SPRED2: variants seen among roughly 807,000 people sequenced by gnomAD.
SPRED2 encodes the protein sprouty related EVH1 domain containing 2.
In SPRED2, 47 loss-of-function variants were observed where a neutral mutation model predicts 43.0. The ratio of observed to expected loss-of-function variants is 1.09; its 90% confidence interval spans 0.87 to 1.40. The LOEUF (loss-of-function observed/expected upper bound fraction) is 1.40, where lower values mean the gene tolerates loss of function less well. Ranked by LOEUF, SPRED2 falls within the 40% of genes most tolerant of loss-of-function variation. The pLI is 0.00. For synonymous variants in SPRED2, 225 were observed against 225.7 expected, an observed-to-expected ratio of 1.00 and a Z score of 0.03; for missense variants, 561 against 586.4, an observed-to-expected ratio of 0.96 and a Z score of 0.45.
chr2:65,354,044 GA>G (rs1337384125), intron 1 of SPRED2, among the ~76,000 whole-genome samples: 2 of 152,192 alleles, frequency 1.3e-5, no homozygotes, highest in African/African-American at 4.8e-5. Context: ...ATGAAGCAAA[GA>G]CACAAAGGAA....
chr2:65,378,485 G>C (rs1201951372), intron 1 of SPRED2, among the ~76,000 whole-genome samples: 1 of 152,186 alleles, frequency 6.6e-6, no homozygotes, highest in East Asian at 1.9e-4. Flanking sequence ...ATGAATGACA[G>C]CTGGGTGATG....
chr2:65,380,460 G>C (rs1463324167), intron 1 of SPRED2, among the ~76,000 whole-genome samples: 1 of 152,064 alleles, frequency 6.6e-6, no homozygotes, highest in Non-Finnish European at 1.5e-5. Flanking sequence ...AACTGCCTTC[G>C]AGGCTAGTCA....
chr2:65,332,213 TC>T (rs1170834345), intron 3 of SPRED2, 162 bp from the exon 4 acceptor site: 33 of 489,012 alleles, frequency 6.7e-5, no homozygotes, highest in Admixed American at 5.3e-4. Context: ...AATTTACTCT[TC>T]TTTAATTGAT....
downstream of SPRED2, among the ~76,000 whole-genome samples, chr2:65,308,974 T>C (rs937939404): frequency 2.0e-5 from 3 of 151,882 alleles, no homozygotes; most frequent in Non-Finnish European, 2.9e-5. Context: ...CTGACCAACA[T>C]GGTGAAACCC....
At chr2:65,328,080 T>C (rs1379820198) in intron 4 of SPRED2, among the ~76,000 whole-genome samples, 1 of 152,176 alleles carries the variant, frequency 6.6e-6, no homozygotes, top group Non-Finnish European at 1.5e-5. Context: ...AGAAGTAATT[T>C]ATATTTTCAA....
At chr2:65,316,482 C>CA (rs1673236649) in intron 5 of SPRED2, among the ~76,000 whole-genome samples, 1 of 152,188 alleles carries the variant, frequency 6.6e-6, no homozygotes, top group South Asian at 2.1e-4. Flanking sequence ...GAAGACTTGC[C>CA]TTGTGGGGCA....
intron 1 of SPRED2, among the ~76,000 whole-genome samples, chr2:65,403,305 C>T (rs2103733582): frequency 6.6e-6 from 1 of 152,348 alleles, no homozygotes; most frequent in African/African-American, 2.4e-5. Flanking sequence ...GGGTCTCACT[C>T]TGTTGCCCAG....
chr2:65,401,937 GCACACACACACACA>G (rs1553426622), intron 1 of SPRED2, among the ~76,000 whole-genome samples: 12 of 114,762 alleles, frequency 1.0e-4, no homozygotes, highest in Admixed American at 7.3e-4. Context: ...GCGCGCGCGC[GCACACACACACACA>G]CACACACACA....
chr2:65,430,278 G>T (rs749346102), intron 1 of SPRED2, among the ~76,000 whole-genome samples: 1 of 152,180 alleles, frequency 6.6e-6, no homozygotes, highest in Non-Finnish European at 1.5e-5. Context: ...GTCTGAAATA[G>T]AAACACCAGC....
chr2:65,355,875 C>T (rs1027263446), intron 1 of SPRED2, among the ~76,000 whole-genome samples: 1 of 152,078 alleles, frequency 6.6e-6, no homozygotes, highest in African/African-American at 2.4e-5. Flanking sequence ...TCTGACTTTC[C>T]CTCTGTTTTA....
intron 1 of SPRED2, among the ~76,000 whole-genome samples, chr2:65,431,107 C>T (rs1415052484): frequency 6.6e-6 from 1 of 152,138 alleles, no homozygotes; most frequent in South Asian, 2.1e-4. Flanking sequence ...TCACGGGTCC[C>T]GCGCGGGGCG....
intron 4 of SPRED2, among the ~76,000 whole-genome samples, chr2:65,327,882 C>T (rs1227471984): frequency 2.6e-5 from 4 of 151,834 alleles, no homozygotes; most frequent in African/African-American, 4.8e-5. Flanking sequence ...CGCCATCATG[C>T]CTGGCTAATT....
chr2:65,307,869 C>T (rs1040131682), downstream of SPRED2, among the ~76,000 whole-genome samples: 10 of 152,108 alleles, frequency 6.6e-5, no homozygotes, highest in Non-Finnish European at 1.5e-4. Flanking sequence ...TCTCACCCCA[C>T]GAATCGGAAA....
At chr2:65,407,826 G>A (rs1475445004) in intron 1 of SPRED2, among the ~76,000 whole-genome samples, 1 of 152,188 alleles carries the variant, frequency 6.6e-6, no homozygotes, top group Non-Finnish European at 1.5e-5. Flanking sequence ...TCTTGGGAGT[G>A]TCTTAAAATA....
At chr2:65,363,201 T>G (rs1209654757) in intron 1 of SPRED2, among the ~76,000 whole-genome samples, 1 of 136,382 alleles carries the variant, frequency 7.3e-6, no homozygotes, top group Non-Finnish European at 1.5e-5. Flanking sequence ...ATTGTGCCAT[T>G]GCACTCCACC....
rs10541896 is a variant in SPRED2, at chr2:65,419,577, TTGTGTG to T, written c.26+12379_26+12384del. ...GCACTTCCCTTCACAGGGATTATAG[TTGTGTG>T]TGTGTGTGTGTGTGTGTGTGTGTGT... On this transcript the variant is annotated intron_variant, in intron 1 of 5. Transcript: ENST00000356388. 9.1e-3 allele frequency among the ~76,000 whole-genome samples: 1,354 copies of T among 148,986 alleles called. 5 individuals carry two copies. Among genetic ancestry groups the T allele is most frequent in the Non-Finnish European group, 0.012 (788 of 67,360 alleles).
chr2:65,410,308 A>C (rs1468977042), intron 1 of SPRED2, among the ~76,000 whole-genome samples: 2 of 152,232 alleles, frequency 1.3e-5, no homozygotes, highest in African/African-American at 2.4e-5. Context: ...AGCAGCCTAC[A>C]CAGGGGTGTC....
chr2:65,366,138 C>T (rs1262028981), intron 1 of SPRED2, among the ~76,000 whole-genome samples: 1 of 152,298 alleles, frequency 6.6e-6, no homozygotes, highest in South Asian at 2.1e-4. Context: ...AAGCACAGTA[C>T]TGAAAGAAAT....
chr2:65,359,536 G>A (rs1674746034), intron 1 of SPRED2, among the ~76,000 whole-genome samples: 1 of 152,096 alleles, frequency 6.6e-6, no homozygotes, highest in South Asian at 2.1e-4. Flanking sequence ...CTGAAACCCT[G>A]CGTGGCTAAG....
Sources: gnomAD v4.1 joint callset for allele counts (sites outside exome capture counted in the v4.1 genomes callset) on GRCh38, gnomAD v4.1.1 for gene constraint, MANE v1.5 for transcripts, NCBI Gene and HGNC (gene_info 2026-07-23, HGNC 2026-07-21) for gene names.